RBFOX1: variants seen among roughly 807,000 people sequenced by gnomAD.
The protein encoded by RBFOX1 is RNA binding protein fox-1 homolog 1.
RBFOX1 carries 8 observed loss-of-function variants against 57.7 expected under a neutral mutation model. The ratio of observed to expected loss-of-function variants is 0.14; its 90% confidence interval spans 0.08 to 0.25. The LOEUF is 0.25. Among genes scored for constraint, RBFOX1 ranks in the 10% least tolerant of loss-of-function variants. RBFOX1 has a pLI of 1.00. For synonymous variants in RBFOX1, 326 were observed against 222.4 expected, an observed-to-expected ratio of 1.47 and a Z score of -4.15; for missense variants, 611 against 548.5, an observed-to-expected ratio of 1.11 and a Z score of -1.14.
At chr16:7,482,928 A>G (rs973528968) in intron 4 of RBFOX1, among the ~76,000 whole-genome samples, 1 of 151,912 alleles carries the variant, frequency 6.6e-6, no homozygotes, top group Non-Finnish European at 1.5e-5. Context: ...TCCCTTTTTG[A>G]CTTTATCCTG....
intron 2 of RBFOX1, among the ~76,000 whole-genome samples, chr16:6,329,281 C>T (rs2082731185): frequency 6.6e-6 from 1 of 152,174 alleles, no homozygotes; most frequent in Non-Finnish European, 1.5e-5. Context: ...CAAGCATCAC[C>T]TCATTTCATC....
intron 4 of RBFOX1, among the ~76,000 whole-genome samples, chr16:7,218,062 CGTGTGT>C (rs199674993): frequency 7.5e-6 from 1 of 132,894 alleles, no homozygotes. Context: ...CATGCGTGTG[CGTGTGT>C]GTGTGTGCGT....
chr16:6,888,310 G>C (rs1309286235), intron 3 of RBFOX1, among the ~76,000 whole-genome samples: 1 of 152,172 alleles, frequency 6.6e-6, no homozygotes, highest in East Asian at 1.9e-4. Flanking sequence ...CTTGAAAGTA[G>C]TTACACAGTT....
intron 3 of RBFOX1, among the ~76,000 whole-genome samples, chr16:5,705,471 C>G (rs1394566835): frequency 6.6e-6 from 1 of 152,118 alleles, no homozygotes; most frequent in Non-Finnish European, 1.5e-5. Flanking sequence ...CTATATTGCC[C>G]AGGCTGGTTT....
At chr16:7,091,886 C>A (rs1459466397) in intron 4 of RBFOX1, among the ~76,000 whole-genome samples, 1 of 152,212 alleles carries the variant, frequency 6.6e-6, no homozygotes, top group Non-Finnish European at 1.5e-5. Flanking sequence ...TATAGAGTTG[C>A]TTTATTGTCT....
intron 3 of RBFOX1, among the ~76,000 whole-genome samples, chr16:6,891,817 A>C (rs1337080700): frequency 6.6e-6 from 1 of 152,184 alleles, no homozygotes; most frequent in African/African-American, 2.4e-5. Flanking sequence ...GAGCCAGCCT[A>C]ATGTAGGGTT....
chr16:7,659,322 C>T (rs1396179705), intron 12 of RBFOX1, among the ~76,000 whole-genome samples: 2 of 152,212 alleles, frequency 1.3e-5, no homozygotes, highest in Non-Finnish European at 2.9e-5. Flanking sequence ...ACAACAGTCT[C>T]TGGGACTATG....
chr16:7,457,604 T>C (rs1472550071), intron 4 of RBFOX1, among the ~76,000 whole-genome samples: 2 of 152,176 alleles, frequency 1.3e-5, no homozygotes, highest in Non-Finnish European at 2.9e-5. Context: ...CTGTATTTGA[T>C]TGTGAATGTT....
chr16:5,436,739 G>A lies in RBFOX1; in HGVS notation c.220-30477G>A, dbSNP rs552380056. Among the ~76,000 whole-genome samples, 11 of 152,150 alleles carry A rather than the reference G, an allele frequency of 7.2e-5. No individual in the cohort carries two copies. The East Asian group carries it at 2.1e-3, about 30-fold the overall frequency. ...TGTAATCCCACCTGTTTGAAAGGCT[G>A]AGGCACGAGAATCACTTGAACCCAG... On this transcript the variant is annotated intron_variant, in intron 1 of 2. Transcript: ENST00000585867.
intron 1 of RBFOX1, among the ~76,000 whole-genome samples, chr16:6,314,214 A>G (rs12921540): frequency 0.32 from 48,198 of 151,906 alleles, 8,058 homozygotes; most frequent in Middle Eastern, 0.41. Context: ...GGGGCAAGGA[A>G]GAATCACTTG....
chr16:6,043,987 T>G (rs1196856784), intron 1 of RBFOX1, among the ~76,000 whole-genome samples: 1 of 152,194 alleles, frequency 6.6e-6, no homozygotes, highest in Non-Finnish European at 1.5e-5. Context: ...CTGCTACTAA[T>G]TCTAGGTTGC....
At chr16:6,471,036 A>G (rs1166967559) in intron 2 of RBFOX1, among the ~76,000 whole-genome samples, 1 of 152,026 alleles carries the variant, frequency 6.6e-6, no homozygotes, top group Admixed American at 6.6e-5. Flanking sequence ...TGACTGTTCC[A>G]TTTTCTTATA....
At chr16:6,648,988 G>A (rs938433540) in intron 2 of RBFOX1, among the ~76,000 whole-genome samples, 2 of 151,940 alleles carry the variant, frequency 1.3e-5, no homozygotes, top group Non-Finnish European at 1.5e-5. Context: ...TACTTTCTTA[G>A]CAATTTTCAA....
intron 3 of RBFOX1, among the ~76,000 whole-genome samples, chr16:5,648,429 T>C (rs2049119023): frequency 6.6e-6 from 1 of 152,166 alleles, no homozygotes; most frequent in Non-Finnish European, 1.5e-5. Context: ...TGGGCTGACA[T>C]AGGTTTCATC....
rs1048388680 is a variant in RBFOX1 at position 6,019,564 on chromosome 16, C to G, written c.-555C>G. ...GGAACAGCAGAGGCGGCGGCACTGG[C>G]TGGACCCACGCGCGCGCCTCCGGGG... On this transcript the variant is annotated 5_prime_UTR_variant, in exon 1 of 16. Transcript: ENST00000550418. The surrounding 1 kb of genome is among the most constrained non-coding windows in gnomAD (Gnocchi z 4.2). The G allele has an allele frequency of 3.0e-5, 34 of 1,149,354 alleles. No individual in the cohort carries two copies. The highest frequency in any genetic ancestry group is 3.5e-5 in the Non-Finnish European group (33 of 935,064). 71.2% of individuals were successfully genotyped at this position (1,149,354 alleles called of 1,614,324 possible).
intron 4 of RBFOX1, among the ~76,000 whole-genome samples, chr16:7,461,487 T>A (rs1001686122): frequency 6.6e-6 from 1 of 152,128 alleles, no homozygotes; most frequent in East Asian, 1.9e-4. Flanking sequence ...TAAATAAAAT[T>A]TTATAGAATA....
intron 2 of RBFOX1, among the ~76,000 whole-genome samples, chr16:6,440,230 C>A (rs1484844318): frequency 6.6e-6 from 1 of 151,982 alleles, no homozygotes; most frequent in African/African-American, 2.4e-5. Flanking sequence ...CCTTAGGTGG[C>A]CATTTCTAAA....
chr16:7,272,669 G>GT (rs71280733), intron 4 of RBFOX1, among the ~76,000 whole-genome samples: 66,412 of 151,856 alleles, frequency 0.44, 16,712 homozygotes, highest in African/African-American at 0.7. Context: ...TCTGAGAAGG[G>GT]GGAGGGATGG....
intron 3 of RBFOX1, among the ~76,000 whole-genome samples, chr16:6,971,742 A>G (rs2085597965): frequency 6.6e-6 from 1 of 151,864 alleles, no homozygotes; most frequent in African/African-American, 2.4e-5. Context: ...CGGATTGGGG[A>G]CATCGTGGAG....
Sources: allele counts gnomAD v4.1 joint callset (sites outside exome capture counted in the v4.1 genomes callset), GRCh38; gene constraint gnomAD v4.1.1; non-coding constraint Gnocchi (gnomAD v3.1); transcripts MANE v1.5; gene names NCBI Gene and HGNC (gene_info 2026-07-23, HGNC 2026-07-21).